ASPSCR1: variants seen among roughly 807,000 people sequenced by gnomAD.
ASPSCR1 encodes tether containing UBX domain for GLUT4.
Under a neutral mutation model 68.9 loss-of-function variants are expected in ASPSCR1, and 55 were observed. The ratio of observed to expected loss-of-function variants is 0.80; its 90% CI spans 0.64 to 1.00. The LOEUF (loss-of-function observed/expected upper bound fraction) is 1.00. ASPSCR1 is among the 50% of genes least tolerant of loss of function. The pLI is 0.00. For missense variants in ASPSCR1, 765 were observed against 762.2 expected (o/e 1.00, Z -0.04); for synonymous variants, 352 against 332.6 (o/e 1.06, Z -0.63).
At chr17:82,006,066 TGC>T (rs1422702278) in intron 7 of ASPSCR1, 1 of 152,514 alleles carries the variant, frequency 6.6e-6, no homozygotes, top group East Asian at 1.9e-4. Context: ...TCCTTGCGTG[TGC>T]GTGTCCTTGC....
At chr17:82,000,565 A>G (rs2042496577) in intron 7 of ASPSCR1, among the ~76,000 whole-genome samples, 2 of 152,230 alleles carry the variant, frequency 1.3e-5, no homozygotes, top group African/African-American at 4.8e-5. Flanking sequence ...GGAACTTCAA[A>G]GGTACACTTT....
chr17:81,980,531 C>G (rs1054662127), intron 2 of ASPSCR1, among the ~76,000 whole-genome samples: 1 of 152,230 alleles, frequency 6.6e-6, no homozygotes, highest in Non-Finnish European at 1.5e-5. Flanking sequence ...TCTCCAGTCT[C>G]TCTTGTCAAC....
At chr17:82,002,585 C>T (rs1002652523) in intron 7 of ASPSCR1, among the ~76,000 whole-genome samples, 4 of 149,858 alleles carry the variant, frequency 2.7e-5, no homozygotes, top group Admixed American at 6.6e-5. Flanking sequence ...TTTTTTGAGA[C>T]AGAGTCTCAC....
intron 7 of ASPSCR1, 113 bp downstream of exon 7, chr17:81,996,959 C>T: frequency 6.7e-7 from 1 of 1,502,580 alleles, no homozygotes; most frequent in African/African-American, 1.4e-5. Flanking sequence ...GGCAGAGGAA[C>T]CCAAACGCGC....
rs2144018621 is a variant in ASPSCR1 at position 81,987,933 on chromosome 17, G to T, written c.374+2326G>T. 6.6e-6 allele frequency among the ~76,000 whole-genome samples: 1 copy of T among 152,218 alleles called. No homozygotes were observed. Among genetic ancestry groups the T allele is most frequent in the East Asian group, 1.9e-4 (1 of 5,186 alleles). ...GCAGCACTTTGGGAGGCTGAGGCGG[G>T]TGGATCACGAGGTCAGGAGTTCGAG... On this transcript the variant is annotated intron_variant, in intron 4 of 15. Transcript: ENST00000306739. This position sits in a 1 kb window ranked among gnomAD's most constrained non-coding sequence, Gnocchi z 5.6.
intron 4 of ASPSCR1, among the ~76,000 whole-genome samples, chr17:81,994,451 T>C (rs1282995032): frequency 6.6e-6 from 1 of 152,152 alleles, no homozygotes; most frequent in South Asian, 2.1e-4. Flanking sequence ...GGCTCCTGAG[T>C]ACAGGTGTCC....
At chr17:82,012,005 G>T in intron 11 of ASPSCR1, 1 of 656,482 alleles carries the variant, frequency 1.5e-6, no homozygotes. Flanking sequence ...AAGGGGAGCC[G>T]GGCTGCACGG....
At chr17:81,996,115 AGTG>A (rs2042328460) in intron 6 of ASPSCR1, 50 bp downstream of exon 6, 2 of 1,509,208 alleles carry the variant, frequency 1.3e-6, no homozygotes, top group Non-Finnish European at 1.8e-6. Flanking sequence ...TAAAAAAAAA[AGTG>A]GTCTCAAAGG....
At position 82,012,281 on chromosome 17, in the gene ASPSCR1, C is replaced by T; in HGVS notation, c.1351C>T (p.Gln451Ter). Residue 451 changes from glutamine to a stop codon, truncating the protein, a stop_gained and splice_region_variant, in exon 12 of 16, where the codon CAG becomes TAG. Transcript: ENST00000306739. LOFTEE classifies it high-confidence loss of function. ...VLDDHTQTLF[Q>*]ANLFPAALVH... is the part of the protein sequence containing the mutation. Reference sequence around the variant, plus strand: ...GGACGACCACACGCAGACCCTCTTTCAGGTACCTGAGGGCCTCCCTGGGGT... The same window carrying T: ...GGACGACCACACGCAGACCCTCTTTTAGGTACCTGAGGGCCTCCCTGGGGT... The T allele has an allele frequency of 3.1e-6, 5 of 1,613,394 alleles. No homozygotes were observed. Among genetic ancestry groups the T allele is most frequent in the Non-Finnish European group, 4.2e-6 (5 of 1,179,860 alleles).
At chr17:82,012,102 G>T in intron 11 of ASPSCR1, 129 bp from the exon 12 acceptor site, 1 of 1,102,520 alleles carries the variant, frequency 9.1e-7, no homozygotes. Context: ...TGGGCACAGG[G>T]CGTGCTCGTG....
At chr17:82,001,301 G>A (rs79060512) in intron 7 of ASPSCR1, among the ~76,000 whole-genome samples, 6,772 of 152,202 alleles carry the variant, frequency 0.044, 209 homozygotes, top group African/African-American at 0.087. Flanking sequence ...CCCTGACGCC[G>A]GGCTAGACAG....
At chr17:81,989,316 G>T (rs1275870760) in intron 4 of ASPSCR1, among the ~76,000 whole-genome samples, 1 of 152,226 alleles carries the variant, frequency 6.6e-6, no homozygotes, top group Non-Finnish European at 1.5e-5. Context: ...ATAGTGGGTG[G>T]CGTTGCCAGC....
chr17:81,984,499 C>T (rs2041899406), intron 3 of ASPSCR1, among the ~76,000 whole-genome samples: 2 of 151,916 alleles, frequency 1.3e-5, no homozygotes, highest in South Asian at 4.1e-4. Context: ...ATGGCGTGAA[C>T]CCGGGAGGCG....
chr17:82,016,852 C>G lies in ASPSCR1; in HGVS notation c.1458C>G (p.Ala486=), dbSNP rs138723012. The G allele has an allele frequency of 1.9e-6, 3 of 1,612,344 alleles. No homozygotes were observed. The highest frequency in any genetic ancestry group is 8.5e-7 in the Non-Finnish European group (1 of 1,179,962). Residue 486 remains alanine (A), a synonymous_variant, in exon 14 of 16, where the codon GCC becomes GCG. Transcript: ENST00000306739. ...AGCATGCCATCTCCCCATCTGCGGC[C>G]GATGTGCTGGTGGCCAGGTAAGTGC... The part of the protein sequence containing the change: ...LLEHAISPSA[A]DVLVARYMSR...
Position 81,977,630 on chromosome 17 carries a change from G to A in ASPSCR1, c.-17G>A, listed in dbSNP as rs756292623. The A allele has an allele frequency of 3.6e-6, 5 of 1,382,662 alleles. No homozygotes were observed. In the South Asian group the frequency reaches 7.5e-5, roughly 21 times the overall value. 85.6% of individuals were successfully genotyped at this position (1,382,662 alleles called of 1,614,324 possible). A position where few individuals can be genotyped will look rare whatever the true frequency, so the allele number is the denominator to read the frequency against. On this transcript the variant is annotated 5_prime_UTR_variant, in exon 1 of 16. Coordinates refer to ENST00000306739, the MANE Select transcript of ASPSCR1 (RefSeq NM_024083.4). The surrounding 1 kb of genome is among the most constrained non-coding windows in gnomAD (Gnocchi z 5.0). Reference sequence around the variant, plus strand: ...GTTGTTTGACGCCGGCCCGGCGGCGGGTCACGTGAGCGGAAAATGGCGGCC... The same window carrying A: ...GTTGTTTGACGCCGGCCCGGCGGCGAGTCACGTGAGCGGAAAATGGCGGCC...
intron 12 of ASPSCR1, chr17:82,014,862 AG>A (rs2043068419): frequency 1.6e-6 from 1 of 629,196 alleles, no homozygotes; most frequent in East Asian, 2.8e-5. Context: ...GGCGGCAGCT[AG>A]GGAGGGGCCG....
In ASPSCR1 at chr17:82,016,581, C is replaced by G. The variant is rs966502552; in HGVS notation, c.1405+54C>G. On this transcript the variant is annotated intron_variant, in intron 13 of 15. Coordinates refer to ENST00000306739, the MANE Select transcript of ASPSCR1 (RefSeq NM_024083.4). ...GGAGTCCAGCCAGCCTGTCCCTGGA[C>G]CTCAGAGCCAGCTGCCCGGGAGGGC... is the stretch of plus-strand genomic sequence containing the variant. The G allele has an allele frequency of 3.2e-6, 5 of 1,546,718 alleles. No homozygotes were observed. In the Admixed American group the frequency reaches 7.9e-5, roughly 24 times the overall value.
chr17:82,016,895 C>A, intron 14 of ASPSCR1, 26 bp downstream of exon 14: 1 of 1,612,302 alleles, frequency 6.2e-7, no homozygotes, highest in Non-Finnish European at 8.5e-7. Flanking sequence ...TCTGGGGGCA[C>A]CTCCCGTGGC....
intron 9 of ASPSCR1, among the ~76,000 whole-genome samples, chr17:82,010,538 A>AC (rs1163827577): frequency 1.3e-5 from 2 of 149,992 alleles, no homozygotes; most frequent in African/African-American, 2.5e-5. Flanking sequence ...CAAAAAAAAA[A>AC]AAAAAAAAAA....
Sources: gnomAD v4.1 joint callset for allele counts (sites outside exome capture counted in the v4.1 genomes callset) on GRCh38, gnomAD v4.1.1 for gene constraint, Gnocchi (gnomAD v3.1) non-coding constraint, MANE v1.5 for transcripts, NCBI Gene and HGNC (gene_info 2026-07-23, HGNC 2026-07-21) for gene names.